Variants in PAPPA2 observed in about 807,000 individuals in gnomAD.
PAPPA2 encodes the protein pappalysin-2.
A neutral mutation model predicts 176.4 loss-of-function variants in PAPPA2; 86 were observed. The observed-to-expected ratio is 0.49, with a 90% CI of 0.41 to 0.58. The LOEUF is 0.58. Among genes scored for constraint, PAPPA2 ranks in the 20% least tolerant of loss-of-function variants. The pLI, the probability that PAPPA2 is intolerant of heterozygous loss-of-function variation, is 0.00. For missense variants in PAPPA2, 2,073 were observed against 2,256.9 expected, an observed-to-expected ratio of 0.92 and a Z score of 1.65; for synonymous variants, 809 against 852.2, an observed-to-expected ratio of 0.95 and a Z score of 0.88.
chr1:176,745,512 G>C (rs1662864265), intron 14 of PAPPA2, among the ~76,000 whole-genome samples: 1 of 152,078 alleles, frequency 6.6e-6, no homozygotes, highest in Non-Finnish European at 1.5e-5. Context: ...ATTAACCCCA[G>C]TACCATCCCA....
chr1:176,649,829 T>C (rs930655234), intron 3 of PAPPA2, among the ~76,000 whole-genome samples: 7 of 151,588 alleles, frequency 4.6e-5, no homozygotes, highest in African/African-American at 1.7e-4. Context: ...AGATCATCAA[T>C]CCTGAATAAT....
At position 176,695,750 on chromosome 1, in the gene PAPPA2, C is replaced by T. The variant is rs138677844; in HGVS notation, c.2637C>T (p.Ser879=). The T allele has an allele frequency of 6.8e-3, 10,915 of 1,614,020 alleles. 34 individuals are homozygous for T. The highest frequency in any genetic ancestry group is 8.2e-3 in the Non-Finnish European group (9,731 of 1,179,944). ...SGVVYDRASG[S]LCGACTEDGT... ...TTTATCTCCCCAGGGCCTCAGGCAGCTTGTGTGGCGCTTGCACTGAAGATG... is the reference window on the plus strand; with the variant it reads ...TTTATCTCCCCAGGGCCTCAGGCAGTTTGTGTGGCGCTTGCACTGAAGATG... The change falls in exon 7 of 23, where the codon AGC becomes AGT. Residue 879 remains serine (S), a synonymous_variant. Coordinates refer to ENST00000367662, the MANE Select transcript of PAPPA2 (RefSeq NM_020318.3).
intron 1 of PAPPA2, among the ~76,000 whole-genome samples, chr1:176,526,432 T>C (rs971186126): frequency 6.6e-6 from 1 of 152,172 alleles, no homozygotes; most frequent in Non-Finnish European, 1.5e-5. Context: ...TCCAGTGTAA[T>C]CCTTTGGGCT....
intron 2 of PAPPA2, among the ~76,000 whole-genome samples, chr1:176,557,878 C>A (rs1291405519): frequency 1.3e-5 from 2 of 152,162 alleles, no homozygotes; most frequent in East Asian, 3.9e-4. Context: ...AAGCCAAGAT[C>A]CTGACTTCTA....
chr1:176,821,899 C>T (rs148569073), intron 21 of PAPPA2, among the ~76,000 whole-genome samples: 76 of 152,326 alleles, frequency 5.0e-4, no homozygotes, highest in African/African-American at 1.8e-3. Context: ...TCGTTAAACA[C>T]ATTCACTCCA....
intron 1 of PAPPA2, among the ~76,000 whole-genome samples, chr1:176,474,721 A>G (rs1304593102): frequency 6.6e-6 from 1 of 152,174 alleles, no homozygotes; most frequent in Non-Finnish European, 1.5e-5. Context: ...AAAATTGTCA[A>G]CTCTTTAAAT....
intron 2 of PAPPA2, among the ~76,000 whole-genome samples, chr1:176,564,368 C>CA (rs1438974699): frequency 1.3e-5 from 2 of 152,158 alleles, no homozygotes; most frequent in Non-Finnish European, 2.9e-5. Flanking sequence ...GTCTCTGTTG[C>CA]AAAAAATTCA....
chr1:176,802,466 A>G (rs531308839), intron 21 of PAPPA2, among the ~76,000 whole-genome samples: 2 of 152,298 alleles, frequency 1.3e-5, no homozygotes, highest in African/African-American at 4.8e-5. Context: ...TCAGCAAAAT[A>G]TATTAGGGAG....
rs544923329 is a variant in PAPPA2, at chr1:176,830,497, C to T, written c.5203-9676C>T. Among the ~76,000 whole-genome samples, 61 of 152,280 alleles carry T rather than the reference C, an allele frequency of 4.0e-4. 1 individual carries two copies. Among genetic ancestry groups the T allele is most frequent in the African/African-American group, 1.4e-3 (59 of 41,572 alleles). On this transcript the variant is annotated intron_variant, in intron 21 of 22. Coordinates refer to ENST00000367662, the MANE Select transcript of PAPPA2 (RefSeq NM_020318.3). ...TGCCCCCACAGTCCTTGCAGAGTTG[C>T]GGACCTCTTTTGTTCAAGGTTTCTA...
At chr1:176,629,042 T>C (rs1422313002) in intron 3 of PAPPA2, among the ~76,000 whole-genome samples, 1 of 152,210 alleles carries the variant, frequency 6.6e-6, no homozygotes, top group Non-Finnish European at 1.5e-5. Flanking sequence ...TGTGGTTTAG[T>C]ATTTTCTCAG....
At chr1:176,795,408 G>T (rs1665385674) in intron 20 of PAPPA2, among the ~76,000 whole-genome samples, 1 of 152,094 alleles carries the variant, frequency 6.6e-6, no homozygotes. Flanking sequence ...ATTTCTCAAA[G>T]AAAGCCTTTT....
At position 176,843,285 on chromosome 1, in the gene PAPPA2, G is replaced by T. The variant is rs978188457; in HGVS notation, c.*831G>T. On this transcript the variant is annotated 3_prime_UTR_variant, in exon 23 of 23. Transcript: ENST00000367662. ...GGGCCCATTTTATGACCAAGGAGAT[G>T]GGGAGTTGGAATGGTGGTACTAAGA... The T allele has an allele frequency of 2.0e-5, 3 of 152,032 alleles. No homozygotes were observed. The highest frequency in any genetic ancestry group is 1.5e-5 in the Non-Finnish European group (1 of 68,028). 9.4% of individuals were successfully genotyped at this position (152,032 alleles called of 1,614,324 possible). A position where few individuals can be genotyped will look rare whatever the true frequency, so the allele number is the denominator to read the frequency against.
At position 176,544,868 on chromosome 1, in the gene PAPPA2, C is replaced by T. The variant is rs375789291; in HGVS notation, c.-916-10539C>T. Among the ~76,000 whole-genome samples, 51 of 152,240 alleles carry T rather than the reference C, an allele frequency of 3.3e-4. 2 individuals carry two copies. In the South Asian group the frequency reaches 6.0e-3, roughly 18 times the overall value. Reference sequence around the variant, plus strand: ...CAGGAAAGCAGATTATTACTAGATTCCTGGCTTACTGAAAAAGTATACAAC... The same window carrying T: ...CAGGAAAGCAGATTATTACTAGATTTCTGGCTTACTGAAAAAGTATACAAC... On this transcript the variant is annotated intron_variant, in intron 1 of 22. Transcript: ENST00000367662.
In PAPPA2 at chr1:176,652,057, C is replaced by G. The variant is rs79109560; in HGVS notation, c.1992-18913C>G. On this transcript the variant is annotated intron_variant, in intron 3 of 22. Transcript: ENST00000367662. ...ATTTCTGAATTTTTTTCTGTGTTAT[C>G]TTGGAGATCACTCAGTTTCCTTAAT... Among the ~76,000 whole-genome samples the G allele has an allele frequency of 0.01, 1,554 of 151,224 alleles. 61 individuals are homozygous for G. The East Asian group carries it at 0.11, about 11-fold the overall frequency.
intron 14 of PAPPA2, among the ~76,000 whole-genome samples, chr1:176,758,241 C>T (rs1663523801): frequency 6.6e-6 from 1 of 152,154 alleles, no homozygotes; most frequent in Non-Finnish European, 1.5e-5. Context: ...TTCTCAACAC[C>T]TCAAAGTACC....
At chr1:176,647,841 A>G (rs1262718284) in intron 3 of PAPPA2, among the ~76,000 whole-genome samples, 6 of 151,578 alleles carry the variant, frequency 4.0e-5, no homozygotes, top group Non-Finnish European at 8.9e-5. Flanking sequence ...TTTGGCTGCT[A>G]TAACTTTGTA....
intron 12 of PAPPA2, 87 bp downstream of exon 12, chr1:176,712,068 A>G (rs1661172370): frequency 1.4e-6 from 2 of 1,443,010 alleles, no homozygotes; most frequent in South Asian, 1.5e-5. Context: ...TAAATGGTGC[A>G]TTTGGATGAC....
intron 1 of PAPPA2, among the ~76,000 whole-genome samples, chr1:176,483,023 A>T (rs1236174385): frequency 1.3e-5 from 2 of 152,200 alleles, no homozygotes; most frequent in Non-Finnish European, 2.9e-5. Context: ...GCCCTTTTCA[A>T]GGTTACCAAA....
At chr1:176,504,924 G>A (rs568460351) in intron 1 of PAPPA2, among the ~76,000 whole-genome samples, 9 of 152,102 alleles carry the variant, frequency 5.9e-5, no homozygotes, top group South Asian at 2.1e-4. Flanking sequence ...TAATGGGTGG[G>A]CAGCATAAGT....
Sources: allele counts gnomAD v4.1 joint callset (sites outside exome capture counted in the v4.1 genomes callset), GRCh38; gene constraint gnomAD v4.1.1; transcripts MANE v1.5; gene names NCBI Gene and HGNC (gene_info 2026-07-23, HGNC 2026-07-21).